Variants in PPARG observed in about 807,000 individuals in gnomAD.
PPARG encodes peroxisome proliferator activated receptor gamma, also known as peroxisome proliferator-activated receptor gamma.
In PPARG, 17 loss-of-function variants were observed where a neutral mutation model predicts 39.2. That is an observed-to-expected ratio of 0.43 (90% CI 0.30 to 0.65). The LOEUF is 0.65. Ranked by LOEUF, PPARG falls within the 30% of genes least tolerant of loss-of-function variation. The pLI is 0.13. For missense variants in PPARG, 406 were observed against 585.9 expected (o/e 0.69, Z 3.17); for synonymous variants, 223 against 215.7 (o/e 1.03, Z -0.30).
intron 4 of PPARG, among the ~76,000 whole-genome samples, 169 bp downstream of exon 4, chr3:12,381,660 CTTG>C (rs2049666931): frequency 6.6e-6 from 1 of 152,138 alleles, no homozygotes; most frequent in Admixed American, 6.5e-5. Flanking sequence ...ACACTGCAGC[CTTG>C]AGCTTCTGGG....
At chr3:12,292,648 G>C (rs1023659244) in intron 1 of PPARG, among the ~76,000 whole-genome samples, 1 of 152,078 alleles carries the variant, frequency 6.6e-6, no homozygotes, top group Admixed American at 6.6e-5. Flanking sequence ...AATTCTTCGC[G>C]TGAATTGTTG....
chr3:12,378,042 G>A (rs1156619632), intron 2 of PPARG, among the ~76,000 whole-genome samples: 2 of 152,102 alleles, frequency 1.3e-5, no homozygotes, highest in Non-Finnish European at 2.9e-5. Flanking sequence ...AATCATCAGG[G>A]AAATGCAAAT....
At chr3:12,430,230 T>C (rs111996449) in intron 7 of PPARG, among the ~76,000 whole-genome samples, 328 of 152,306 alleles carry the variant, frequency 2.2e-3, no homozygotes, top group Admixed American at 3.3e-3. Flanking sequence ...CCTTCAGGCC[T>C]GTTCACCAGC....
At chr3:12,374,678 T>C (rs2049342682) in intron 2 of PPARG, among the ~76,000 whole-genome samples, 1 of 151,974 alleles carries the variant, frequency 6.6e-6, no homozygotes, top group Non-Finnish European at 1.5e-5. Flanking sequence ...GGACTTTAGG[T>C]GGTAATAATG....
intron 7 of PPARG, among the ~76,000 whole-genome samples, chr3:12,421,109 G>T (rs771172385): frequency 1.3e-5 from 2 of 152,174 alleles, no homozygotes; most frequent in Non-Finnish European, 2.9e-5. Flanking sequence ...ATTTGTCTGA[G>T]ATCTGACAAA....
chr3:12,363,089 T>A (rs1177085937), intron 2 of PPARG, among the ~76,000 whole-genome samples: 2 of 151,988 alleles, frequency 1.3e-5, no homozygotes, highest in South Asian at 2.1e-4. Flanking sequence ...AGCTAATTTT[T>A]AAAAAATTGT....
At chr3:12,426,836 A>G (rs990957287) in intron 7 of PPARG, among the ~76,000 whole-genome samples, 1 of 152,226 alleles carries the variant, frequency 6.6e-6, no homozygotes, top group Non-Finnish European at 1.5e-5. Flanking sequence ...AAACTGAAGT[A>G]TAGAAAGGTT....
At chr3:12,364,169 A>G (rs1427196726) in intron 2 of PPARG, among the ~76,000 whole-genome samples, 1 of 152,218 alleles carries the variant, frequency 6.6e-6, no homozygotes, top group Non-Finnish European at 1.5e-5. Flanking sequence ...TGTCATACAG[A>G]ATATTTTCAC....
rs115661347 is a variant in PPARG, at chr3:12,297,324, A to T, written c.-83+8190A>T. On this transcript the variant is annotated intron_variant, in intron 1 of 7. Coordinates refer to ENST00000651735, the MANE Select transcript of PPARG (RefSeq NM_138711.6). Reference sequence around the variant, plus strand: ...TTACAAAAATGTATGTATATGAAAAAGTCTGGAAGAGAATATACAAAAGTG... The same window carrying T: ...TTACAAAAATGTATGTATATGAAAATGTCTGGAAGAGAATATACAAAAGTG... 2.4e-3 allele frequency among the ~76,000 whole-genome samples: 372 copies of T among 152,336 alleles called. 2 individuals are homozygous for T. The highest frequency in any genetic ancestry group is 8.5e-3 in the African/African-American group (352 of 41,596).
intron 7 of PPARG, among the ~76,000 whole-genome samples, chr3:12,418,485 T>G (rs1340565669): frequency 6.6e-6 from 1 of 152,240 alleles, no homozygotes; most frequent in African/African-American, 2.4e-5. Flanking sequence ...GCACGATCCC[T>G]TTGTCATCTT....
intron 2 of PPARG, among the ~76,000 whole-genome samples, chr3:12,348,900 A>T (rs1363833123): frequency 6.6e-6 from 1 of 152,192 alleles, no homozygotes; most frequent in Non-Finnish European, 1.5e-5. Flanking sequence ...ATCTTATTGT[A>T]ATATCCTTCC....
At chr3:12,297,692 A>T (rs2046821437) in intron 1 of PPARG, among the ~76,000 whole-genome samples, 1 of 152,122 alleles carries the variant, frequency 6.6e-6, no homozygotes, top group Non-Finnish European at 1.5e-5. Flanking sequence ...GTAAGGTTTA[A>T]TTTTGTTGAT....
Position 12,408,896 on chromosome 3 carries a change from G to C in PPARG, c.729+2815G>C, listed in dbSNP as rs562332717. Among the ~76,000 whole-genome samples, 31 of 152,178 alleles carry C rather than the reference G, an allele frequency of 2.0e-4. No individual in the cohort carries two copies. The East Asian group carries it at 2.5e-3, about 12-fold the overall frequency. On this transcript the variant is annotated intron_variant, in intron 6 of 7. Coordinates refer to ENST00000651735, the MANE Select transcript of PPARG (RefSeq NM_138711.6). ...AAATTACACTACTGGTGTGCAACGT[G>C]CTCTTATCTGTGTTACTGGAGGACA...
chr3:12,315,263 G>A (rs902572778), intron 2 of PPARG, among the ~76,000 whole-genome samples: 1 of 152,196 alleles, frequency 6.6e-6, no homozygotes, highest in Non-Finnish European at 1.5e-5. Flanking sequence ...ATGTTGTCAT[G>A]AATGACAGGA....
chr3:12,310,164 G>C (rs180752964), intron 1 of PPARG, among the ~76,000 whole-genome samples: 11 of 152,268 alleles, frequency 7.2e-5, no homozygotes, highest in African/African-American at 9.6e-5. Context: ...CTGGGGGAAA[G>C]GTTACCTAAA....
intron 2 of PPARG, among the ~76,000 whole-genome samples, chr3:12,355,763 A>G (rs1016509076): frequency 4.6e-5 from 7 of 152,192 alleles, no homozygotes; most frequent in Admixed American, 3.3e-4. Context: ...ATTTTCCCCT[A>G]CTATCTCTAA....
At chr3:12,424,722 G>A (rs951951860) in intron 7 of PPARG, among the ~76,000 whole-genome samples, 3 of 152,160 alleles carry the variant, frequency 2.0e-5, no homozygotes, top group Non-Finnish European at 2.9e-5. Flanking sequence ...AGCGTCACAA[G>A]TAGGTAGACC....
chr3:12,416,875 A>G lies in PPARG; in HGVS notation c.901A>G (p.Ile301Val), dbSNP rs758594107. The G allele has an allele frequency of 1.5e-5, 25 of 1,614,020 alleles. No individual in the cohort carries two copies. The South Asian group carries it at 2.7e-4, about 18-fold the overall frequency. Residue 301 changes from isoleucine (I) to valine (V), a missense_variant, in exon 7 of 8, where the codon ATT becomes GTT. Ile to Val is a conservative substitution (Grantham distance 29, BLOSUM62 3). Around this residue, in one of 2 missense-constraint regions of PPARG, gnomAD observed 275 missense variants for 458.0 expected, o/e 0.60. Transcript: ENST00000651735. ...VQEITEYAKS[I>V]PGFVNLDLND... is the part of the protein sequence containing the mutation. ...GGAGATCACAGAGTATGCCAAAAGC[A>G]TTCCTGGTTTTGTAAATCTTGACTT...
At chr3:12,398,802 G>A (rs956177670) in intron 5 of PPARG, among the ~76,000 whole-genome samples, 10 of 152,214 alleles carry the variant, frequency 6.6e-5, no homozygotes, top group Admixed American at 4.6e-4. Context: ...AGTTCTGGCC[G>A]AGAGAAAAGC....
Sources: allele counts gnomAD v4.1 joint callset (sites outside exome capture counted in the v4.1 genomes callset), GRCh38; gene constraint gnomAD v4.1.1; regional missense constraint gnomAD v4.1.1; transcripts MANE v1.5; gene names NCBI Gene and HGNC (gene_info 2026-07-23, HGNC 2026-07-21).